The following SPAG16 variants were observed in gnomAD, a reference collection of about 807,000 sequenced individuals.
The protein encoded by SPAG16 is sperm-associated antigen 16 protein.
A neutral mutation model predicts 80.4 loss-of-function variants in SPAG16; 86 were observed. The ratio of observed to expected loss-of-function variants is 1.07; its 90% CI spans 0.90 to 1.28. The LOEUF is 1.28. Ranked by LOEUF, SPAG16 falls within the 50% of genes most tolerant of loss-of-function variation. SPAG16 has a pLI of 0.00. For synonymous variants in SPAG16, 294 were observed against 265.9 expected, an observed-to-expected ratio of 1.11 and a Z score of -1.03; for missense variants, 870 against 765.3, an observed-to-expected ratio of 1.14 and a Z score of -1.61.
chr2:213,768,804 C>T lies in SPAG16; in HGVS notation c.1071-93681C>T, dbSNP rs190881398. Among the ~76,000 whole-genome samples, 52 of 152,134 alleles carry T rather than the reference C, an allele frequency of 3.4e-4. 1 individual carries two copies. The highest frequency in any genetic ancestry group is 2.9e-5 in the Non-Finnish European group (2 of 67,996). ...CCTATAAGGCATAAGAAATGTATGT[C>T]AATAGATGTGGCCATGCTGGACAAG... is the stretch of plus-strand genomic sequence containing the variant. On this transcript the variant is annotated intron_variant, in intron 10 of 15. Transcript: ENST00000331683.
intron 10 of SPAG16, among the ~76,000 whole-genome samples, chr2:213,602,588 C>T (rs6742421): frequency 0.26 from 40,266 of 152,114 alleles, 6,236 homozygotes; most frequent in Middle Eastern, 0.42. Context: ...GAGCCAAGAT[C>T]GTGCCACTGT....
chr2:213,347,851 T>A (rs112551945), intron 6 of SPAG16, among the ~76,000 whole-genome samples: 3,621 of 152,124 alleles, frequency 0.024, 62 homozygotes, highest in African/African-American at 0.039. Context: ...GCTGAAAAGA[T>A]TGTATATTCT....
chr2:213,338,979 A>T (rs1575256931), intron 5 of SPAG16, among the ~76,000 whole-genome samples: 1 of 151,746 alleles, frequency 6.6e-6, no homozygotes, highest in East Asian at 1.9e-4. Context: ...GCACATGTTT[A>T]CCTATGTAAC....
At chr2:214,144,932 A>T (rs1027783793) in intron 14 of SPAG16, among the ~76,000 whole-genome samples, 3 of 152,072 alleles carry the variant, frequency 2.0e-5, no homozygotes, top group Non-Finnish European at 4.4e-5. Flanking sequence ...CAATATAAAG[A>T]CATAGGGACT....
chr2:213,925,019 A>G (rs547791011), intron 11 of SPAG16, among the ~76,000 whole-genome samples: 1 of 151,956 alleles, frequency 6.6e-6, no homozygotes, highest in Admixed American at 6.6e-5. Flanking sequence ...TACTATTCTT[A>G]TAGTGCTCAC....
intron 13 of SPAG16, among the ~76,000 whole-genome samples, chr2:214,020,440 TTG>T (rs2047805155): frequency 6.6e-6 from 1 of 152,174 alleles, no homozygotes; most frequent in African/African-American, 2.4e-5. Context: ...GCCTCTAATT[TTG>T]TTTGTTTCTG....
At chr2:213,848,728 T>G (rs1230520801) in intron 10 of SPAG16, among the ~76,000 whole-genome samples, 1 of 152,178 alleles carries the variant, frequency 6.6e-6, no homozygotes, top group African/African-American at 2.4e-5. Context: ...TCCCATCTAA[T>G]GGAAACTGAT....
intron 15 of SPAG16, among the ~76,000 whole-genome samples, chr2:214,289,994 G>A (rs999262796): frequency 6.6e-6 from 1 of 152,034 alleles, no homozygotes; most frequent in African/African-American, 2.4e-5. Flanking sequence ...AGGAGAATTG[G>A]TATTAGTTCT....
chr2:214,263,854 G>T (rs547271845), intron 15 of SPAG16, among the ~76,000 whole-genome samples: 2 of 152,168 alleles, frequency 1.3e-5, no homozygotes, highest in South Asian at 2.1e-4. Flanking sequence ...TCCAAAATTG[G>T]TCATTTTATA....
At chr2:214,386,992 A>G (rs1318973492) in intron 15 of SPAG16, among the ~76,000 whole-genome samples, 2 of 152,074 alleles carry the variant, frequency 1.3e-5, no homozygotes, top group African/African-American at 4.8e-5. Context: ...AACCCAATTA[A>G]TTTAACTTCT....
intron 10 of SPAG16, among the ~76,000 whole-genome samples, chr2:213,587,628 A>C (rs2060518306): frequency 6.6e-6 from 1 of 151,684 alleles, no homozygotes; most frequent in Middle Eastern, 3.4e-3. Context: ...ACACCTTAGT[A>C]TTCTTTCCAG....
At chr2:213,639,863 C>T (rs1358934152) in intron 10 of SPAG16, among the ~76,000 whole-genome samples, 1 of 152,132 alleles carries the variant, frequency 6.6e-6, no homozygotes, top group Admixed American at 6.5e-5. Flanking sequence ...TCTCTTCTTC[C>T]TCAGGAACAT....
intron 6 of SPAG16, among the ~76,000 whole-genome samples, chr2:213,346,346 C>T (rs1446381107): frequency 6.6e-6 from 1 of 152,174 alleles, no homozygotes; most frequent in African/African-American, 2.4e-5. Context: ...ATTTGACTTC[C>T]TCTTTTCCTA....
At chr2:213,725,984 C>CT (rs1559413341) in intron 10 of SPAG16, among the ~76,000 whole-genome samples, 3 of 152,192 alleles carry the variant, frequency 2.0e-5, no homozygotes, top group African/African-American at 7.2e-5. Flanking sequence ...AGAGAGATCT[C>CT]TTTTTCGGCA....
intron 14 of SPAG16, among the ~76,000 whole-genome samples, chr2:214,129,301 G>A (rs1335126979): frequency 6.6e-6 from 1 of 152,096 alleles, no homozygotes; most frequent in African/African-American, 2.4e-5. Context: ...TGTGTTATGG[G>A]ATAGAAATCG....
intron 10 of SPAG16, among the ~76,000 whole-genome samples, chr2:213,604,163 A>G (rs2061171054): frequency 6.6e-6 from 1 of 152,146 alleles, no homozygotes; most frequent in Non-Finnish European, 1.5e-5. Flanking sequence ...AAGTGCTGGG[A>G]TTACAGGCAT....
At chr2:214,201,542 A>G (rs567204106) in intron 15 of SPAG16, among the ~76,000 whole-genome samples, 2 of 152,288 alleles carry the variant, frequency 1.3e-5, no homozygotes, top group East Asian at 3.9e-4. Context: ...GAGGATGTTA[A>G]AAGTTCCTAC....
At chr2:213,422,581 C>T (rs1174711845) in intron 9 of SPAG16, 7 of 393,740 alleles carry the variant, frequency 1.8e-5, no homozygotes, top group African/African-American at 4.0e-5. Flanking sequence ...AAGGTACCAC[C>T]AGCCACAGAG....
intron 10 of SPAG16, among the ~76,000 whole-genome samples, chr2:213,633,656 T>C (rs1260965480): frequency 1.3e-5 from 2 of 152,140 alleles, no homozygotes; most frequent in Non-Finnish European, 2.9e-5. Flanking sequence ...ATTGGGACTA[T>C]CTCTCTCTTT....
Sources: allele counts gnomAD v4.1 joint callset (sites outside exome capture counted in the v4.1 genomes callset), GRCh38; gene constraint gnomAD v4.1.1; transcripts MANE v1.5; gene names NCBI Gene and HGNC (gene_info 2026-07-23, HGNC 2026-07-21).